PERP: variants seen among roughly 807,000 people sequenced by gnomAD.
The protein encoded by PERP is p53 apoptosis effector related to PMP22.
A neutral mutation model predicts 20.3 loss-of-function variants in PERP; 11 were observed. The observed-to-expected ratio is 0.54, with a 90% confidence interval of 0.34 to 0.90. The LOEUF (loss-of-function observed/expected upper bound fraction) is 0.90, where lower values mean the gene tolerates loss of function less well. Ranked by LOEUF, PERP falls within the 40% of genes least tolerant of loss-of-function variation. PERP has a pLI of 0.02. For synonymous variants in PERP, 101 were observed against 102.0 expected (o/e 0.99, Z 0.06); for missense variants, 224 against 249.4 (o/e 0.90, Z 0.69).
At chr6:138,100,094 T>C (rs74753832) in intron 1 of PERP, among the ~76,000 whole-genome samples, 3,870 of 152,306 alleles carry the variant, frequency 0.025, 78 homozygotes, top group Middle Eastern at 0.095. Flanking sequence ...AACAGACGTC[T>C]TCAAGTAAAG....
rs565594604 is a variant in PERP at position 138,089,020 on chromosome 6, G to A, written c.*3022C>T. The A allele has an allele frequency of 6.3e-4, 96 of 152,120 alleles. No individual in the cohort carries two copies. The highest frequency in any genetic ancestry group is 2.2e-3 in the African/African-American group (93 of 41,492). 9.4% of individuals were successfully genotyped at this position (152,120 alleles called of 1,614,324 possible). ...TATTGATCAGTGCTTCCAACTCAAG[G>A]AATATTTAAAATTTTTTAATTAAAG... is the stretch of plus-strand genomic sequence containing the variant. On this transcript the variant is annotated 3_prime_UTR_variant, in exon 3 of 3. Transcript: ENST00000421351.
At chr6:138,096,594 T>C in intron 1 of PERP, 100 bp from the exon 2 acceptor site, 1 of 1,320,836 alleles carries the variant, frequency 7.6e-7, no homozygotes. Flanking sequence ...TTTTCCCTAC[T>C]AGTTACATTT....
At chr6:138,098,339 G>C (rs1045850385) in intron 1 of PERP, among the ~76,000 whole-genome samples, 1 of 152,134 alleles carries the variant, frequency 6.6e-6, no homozygotes, top group Admixed American at 6.5e-5. Context: ...GAAAGAGCAA[G>C]GGTGTTGGAG....
At chr6:138,102,612 C>T (rs1775790766) in intron 1 of PERP, among the ~76,000 whole-genome samples, 1 of 152,096 alleles carries the variant, frequency 6.6e-6, no homozygotes, top group South Asian at 2.1e-4. Flanking sequence ...GAGAAAGGAA[C>T]CGAGGCTCTC....
intron 1 of PERP, among the ~76,000 whole-genome samples, chr6:138,100,325 A>C (rs1775752519): frequency 6.6e-6 from 1 of 152,140 alleles, no homozygotes; most frequent in Non-Finnish European, 1.5e-5. Flanking sequence ...CAAATTGACC[A>C]AACCCTTTAG....
rs557156788 is a variant in PERP, at chr6:138,096,320, G to C, written c.355+34C>G. 37 of 1,610,882 alleles carry C rather than the reference G, an allele frequency of 2.3e-5. No homozygotes were observed. In the African/African-American group the frequency reaches 4.8e-4, roughly 21 times the overall value. Reference sequence around the variant, plus strand: ...ATTACTAAGTCGATGCCCACTGAAGGCATAAATGAAGAATTGCTGACACAC... The same window carrying C: ...ATTACTAAGTCGATGCCCACTGAAGCCATAAATGAAGAATTGCTGACACAC... On this transcript the variant is annotated intron_variant, in intron 2 of 2. Coordinates refer to ENST00000421351, the MANE Select transcript of PERP (RefSeq NM_022121.5).
intron 2 of PERP, among the ~76,000 whole-genome samples, chr6:138,094,238 C>T (rs1775640202): frequency 6.6e-6 from 1 of 152,072 alleles, no homozygotes. Context: ...ACTATCTATA[C>T]CCAAAACTTT....
At chr6:138,097,714 G>A (rs1422768419) in intron 1 of PERP, among the ~76,000 whole-genome samples, 1 of 152,124 alleles carries the variant, frequency 6.6e-6, no homozygotes, top group African/African-American at 2.4e-5. Context: ...TTTGATTTCA[G>A]CCTGTTTGAA....
chr6:138,102,972 G>C (rs1002276466), intron 1 of PERP, among the ~76,000 whole-genome samples: 3 of 151,642 alleles, frequency 2.0e-5, no homozygotes, highest in Non-Finnish European at 4.4e-5. Context: ...GGTGGCGGGC[G>C]CCTGTAGTCC....
At chr6:138,099,052 C>T (rs1028616222) in intron 1 of PERP, among the ~76,000 whole-genome samples, 4 of 152,184 alleles carry the variant, frequency 2.6e-5, no homozygotes, top group Non-Finnish European at 5.9e-5. Context: ...TTGGAAAGAA[C>T]ATTAATTAAT....
rs980430039 is a variant in PERP, at chr6:138,088,599, G to A, written c.*3443C>T. 1.3e-5 allele frequency: 2 copies of A among 152,204 alleles called. No homozygotes were observed. The highest frequency in any genetic ancestry group is 6.5e-5 in the Admixed American group (1 of 15,284). 9.4% of individuals were successfully genotyped at this position (152,204 alleles called of 1,614,324 possible). A position where few individuals can be genotyped will look rare whatever the true frequency, so the allele number is the denominator to read the frequency against. On this transcript the variant is annotated 3_prime_UTR_variant, in exon 3 of 3. Coordinates refer to ENST00000421351, the MANE Select transcript of PERP (RefSeq NM_022121.5). ...AGTACAAGTGGAAGATCATTAACAT[G>A]ACTGGATAGGAACCTCTTTTAATTT...
At chr6:138,101,941 G>A (rs1021107343) in intron 1 of PERP, among the ~76,000 whole-genome samples, 3 of 152,186 alleles carry the variant, frequency 2.0e-5, no homozygotes, top group Non-Finnish European at 4.4e-5. Flanking sequence ...ATGAGACACT[G>A]GACGTCCAAC....
rs1286853601 is a variant in PERP, at chr6:138,091,952, A to C, written c.*90T>G. The C allele has an allele frequency of 7.3e-6, 9 of 1,233,982 alleles. No homozygotes were observed. The highest frequency in any genetic ancestry group is 1.0e-5 in the Non-Finnish European group (9 of 888,478). 76.4% of individuals were successfully genotyped at this position (1,233,982 alleles called of 1,614,324 possible). On this transcript the variant is annotated 3_prime_UTR_variant, in exon 3 of 3. Transcript: ENST00000421351. ...TAGTTTAATAATATGAACACTGCCA[A>C]AAAATGGGTTCAAAGTCGCCTGGAG...
chr6:138,104,647 G>A (rs1775818262), intron 1 of PERP, among the ~76,000 whole-genome samples: 1 of 152,130 alleles, frequency 6.6e-6, no homozygotes, highest in Non-Finnish European at 1.5e-5. Context: ...TAGTTACAAC[G>A]GTAAATCAAA....
At position 138,096,618 on chromosome 6, in the gene PERP, G is replaced by A. The variant is rs1021851459; in HGVS notation, c.215-124C>T. On this transcript the variant is annotated intron_variant, in intron 1 of 2. Transcript: ENST00000421351. ...CTAGTTACATTTGGATGGAGGGACA[G>A]TTTTTCTTTTGACAATACTTGAGCA... 5 of 1,099,028 alleles carry A rather than the reference G, an allele frequency of 4.5e-6. No individual in the cohort carries two copies. In the African/African-American group the frequency reaches 8.0e-5, roughly 18 times the overall value. The allele number at this position is 1,099,028 out of a possible 1,614,324, so 68.1% of individuals were successfully genotyped here. A position where few individuals can be genotyped will look rare whatever the true frequency, so the allele number is the denominator to read the frequency against.
At position 138,099,176 on chromosome 6, in the gene PERP, T is replaced by C. The variant is rs561736826; in HGVS notation, c.215-2682A>G. On this transcript the variant is annotated intron_variant, in intron 1 of 2. Coordinates refer to ENST00000421351, the MANE Select transcript of PERP (RefSeq NM_022121.5). ...CAGACCTATGGAATCAGAGCTTGAGTGGTAGCACCCAAGAATCTGCATGTT... is the reference window on the plus strand; with the variant it reads ...CAGACCTATGGAATCAGAGCTTGAGCGGTAGCACCCAAGAATCTGCATGTT... 1.4e-3 allele frequency among the ~76,000 whole-genome samples: 206 copies of C among 152,294 alleles called. 1 individual carries two copies. Among genetic ancestry groups the C allele is most frequent in the African/African-American group, 4.8e-3 (201 of 41,564 alleles).
At chr6:138,092,838 A>C (rs1040298301) in intron 2 of PERP, among the ~76,000 whole-genome samples, 3 of 152,180 alleles carry the variant, frequency 2.0e-5, no homozygotes, top group Non-Finnish European at 4.4e-5. Context: ...TCCGCAGAGA[A>C]GCCTGCAGAG....
chr6:138,107,386 G>A lies in PERP; in HGVS notation c.-46C>T. 1 of 1,421,198 alleles carries A rather than the reference G, an allele frequency of 7.0e-7. No homozygotes were observed. Among genetic ancestry groups the A allele is most frequent in the South Asian group, 1.5e-5 (1 of 65,964 alleles). The allele number at this position is 1,421,198 out of a possible 1,614,324, so 88.0% of individuals were successfully genotyped here. ...CGAGCGGAGCGGAGCGGAGCGGGTC[G>A]GAGGAGCGCGCGGGACGGGCGACAG... On this transcript the variant is annotated 5_prime_UTR_variant, in exon 1 of 3. Transcript: ENST00000421351. This position sits in a 1 kb window ranked among gnomAD's most constrained non-coding sequence, Gnocchi z 4.8.
In PERP at chr6:138,088,514, CTTTG is replaced by C. The variant is rs1451918518; in HGVS notation, c.*3524_*3527del. ...CATGCTCACACACTTCTGAGTTTCC[CTTTG>C]TTTATTTTTGCAGCCAACAAAGTAT... On this transcript the variant is annotated 3_prime_UTR_variant, in exon 3 of 3. Transcript: ENST00000421351. 2 of 152,194 alleles carry C rather than the reference CTTTG, an allele frequency of 1.3e-5. No homozygotes were observed. The highest frequency in any genetic ancestry group is 4.8e-5 in the African/African-American group (2 of 41,456). 9.4% of individuals were successfully genotyped at this position (152,194 alleles called of 1,614,324 possible). A position where few individuals can be genotyped will look rare whatever the true frequency, so the allele number is the denominator to read the frequency against.
Sources: gnomAD v4.1 joint callset for allele counts (sites outside exome capture counted in the v4.1 genomes callset) on GRCh38, gnomAD v4.1.1 for gene constraint, Gnocchi (gnomAD v3.1) non-coding constraint, MANE v1.5 for transcripts, NCBI Gene and HGNC (gene_info 2026-07-23, HGNC 2026-07-21) for gene names.